The following SPG7 variants were observed in gnomAD, a reference collection of about 807,000 sequenced individuals.
The protein encoded by SPG7 is SPG7 matrix AAA peptidase subunit, paraplegin.
A neutral mutation model predicts 81.9 loss-of-function variants in SPG7; 103 were observed. The ratio of observed to expected loss-of-function variants is 1.26; its 90% CI spans 1.07 to 1.48. SPG7 has a LOEUF of 1.48. Among genes scored for constraint, SPG7 ranks in the 40% most tolerant of loss-of-function variants. The pLI is 0.00. For synonymous variants in SPG7, 534 were observed against 444.2 expected (o/e 1.20, Z -2.54); for missense variants, 1,241 against 1,087.3 (o/e 1.14, Z -1.99).
chr16:89,541,742 A>C (rs1225313081), intron 9 of SPG7: 1 of 152,242 alleles, frequency 6.6e-6, no homozygotes, highest in African/African-American at 2.4e-5. Flanking sequence ...TACCATCAGA[A>C]TACAAAACTT....
intron 12 of SPG7, chr16:89,548,496 G>A (rs565088583): frequency 2.4e-4 from 72 of 302,356 alleles, no homozygotes; most frequent in African/African-American, 1.3e-3. Flanking sequence ...ACTGTGGGCC[G>A]GAGGGCTGCT....
chr16:89,537,807 G>C, intron 9 of SPG7: 1 of 984,192 alleles, frequency 1.0e-6, no homozygotes, highest in South Asian at 4.7e-5. Flanking sequence ...CTGGGGTCCT[G>C]GTCCTGGTCC....
chr16:89,556,641 A>G (rs903760285), intron 16 of SPG7: 2 of 528,618 alleles, frequency 3.8e-6, no homozygotes, highest in Non-Finnish European at 6.8e-6. Context: ...TGCCAAAAAT[A>G]AGCCAAGATT....
chr16:89,512,743 A>G (rs1204961253), intron 2 of SPG7, among the ~76,000 whole-genome samples: 1 of 152,258 alleles, frequency 6.6e-6, no homozygotes, highest in Non-Finnish European at 1.5e-5. Context: ...GTAAGTTAAA[A>G]TAGTTTATTA....
At chr16:89,538,233 T>C (rs2058452230) in intron 9 of SPG7, 1 of 152,060 alleles carries the variant, frequency 6.6e-6, no homozygotes, top group African/African-American at 2.4e-5. Context: ...GCTGTCCTGG[T>C]GCGTTGAGAC....
chr16:89,510,029 C>T (rs1406731395), intron 1 of SPG7, among the ~76,000 whole-genome samples: 2 of 151,838 alleles, frequency 1.3e-5, no homozygotes, highest in African/African-American at 4.8e-5. Flanking sequence ...GCCTGGAGTG[C>T]AGTGGTGCTA....
Position 89,513,037 on chromosome 16 carries a change from G to C in SPG7, c.376G>C (p.Glu126Gln), listed in dbSNP as rs912983346. The change falls in exon 3 of 17, where the codon GAG becomes CAG. Residue 126 changes from glutamate to glutamine, a missense_variant and splice_region_variant. Physicochemically the swap from Glu to Gln is conservative, Grantham distance 29 (BLOSUM62 2). Coordinates refer to ENST00000645818, the MANE Select transcript of SPG7 (RefSeq NM_003119.4). ...SKGKAPEEDE[E>Q]ERRRRERDDQ... is the part of the protein sequence containing the mutation. Reference sequence around the variant, plus strand: ...GGGGAAGGCGCCTGAAGAGGACGAAGGTATATTCATCTGATGTTCTTCAGT... The same window carrying C: ...GGGGAAGGCGCCTGAAGAGGACGAACGTATATTCATCTGATGTTCTTCAGT... 1.9e-6 allele frequency: 3 copies of C among 1,604,446 alleles called. No individual in the cohort carries two copies. The highest frequency in any genetic ancestry group is 1.7e-6 in the Non-Finnish European group (2 of 1,174,572).
intron 13 of SPG7, chr16:89,552,384 G>T (rs1323191748): frequency 1.3e-5 from 2 of 159,354 alleles, no homozygotes; most frequent in Non-Finnish European, 2.8e-5. Context: ...TAAATTAAGC[G>T]TCCTCGGGAT....
intron 10 of SPG7, 88 bp from the exon 11 acceptor site, chr16:89,546,570 G>A (rs555410379): frequency 1.6e-5 from 15 of 922,020 alleles, no homozygotes; most frequent in African/African-American, 3.7e-5. Context: ...GCTACTTGGG[G>A]ACCCCCCCCC....
At position 89,524,071 on chromosome 16, in the gene SPG7, A is replaced by G. The variant is rs375696230; in HGVS notation, c.442A>G (p.Ile148Val). The G allele has an allele frequency of 1.4e-5, 23 of 1,613,916 alleles. No individual in the cohort carries two copies. In the African/African-American group the frequency reaches 2.3e-4, roughly 16 times the overall value. ...YRERLRTLLV[I>V]AVVMSLLNAL... ...AGAGCGGCTGCGCACCTTGCTGGTC[A>G]TCGCGGTTGTCATGAGCCTCCTGAA... Residue 148 changes from isoleucine (I) to valine (V), a missense_variant, in exon 4 of 17, where the codon ATC (isoleucine) becomes GTC (valine). Ile to Val is a conservative substitution (Grantham distance 29, BLOSUM62 3). Transcript: ENST00000645818.
Position 89,553,305 on chromosome 16 carries a change from A to G in SPG7, c.1936+170A>G, listed in dbSNP as rs190622868. On this transcript the variant is annotated intron_variant, in intron 14 of 16. Transcript: ENST00000645818. ...CATAAGAGAGTTGGAGCTAAGCAAG[A>G]CTTCTTAGATAATTTAATTGGACAA... is the stretch of plus-strand genomic sequence containing the variant. 2.6e-4 allele frequency: 194 copies of G among 738,934 alleles called. 1 individual carries two copies. The African/African-American group carries it at 3.1e-3, about 12-fold the overall frequency. The allele number at this position is 738,934 out of a possible 1,614,324, so 45.8% of individuals were successfully genotyped here. A position where few individuals can be genotyped will look rare whatever the true frequency, so the allele number is the denominator to read the frequency against.
chr16:89,556,809 C>T, intron 16 of SPG7, 78 bp from the exon 17 acceptor site: 1 of 1,198,062 alleles, frequency 8.3e-7, no homozygotes, highest in African/African-American at 1.5e-5. Context: ...GCCCTCACGC[C>T]TCTTGCCACC....
At chr16:89,542,641 G>A (rs927971926) in intron 9 of SPG7, among the ~76,000 whole-genome samples, 8 of 152,174 alleles carry the variant, frequency 5.3e-5, no homozygotes, top group Non-Finnish European at 1.0e-4. Context: ...CTGCTGTCCA[G>A]ACCTGGCGGC....
Position 89,524,061 on chromosome 16 carries a change from C to T in SPG7, c.432C>T (p.Thr144=). The T allele has an allele frequency of 6.2e-7, 1 of 1,613,822 alleles. No individual in the cohort carries two copies. Among genetic ancestry groups the T allele is most frequent in the South Asian group, 1.1e-5 (1 of 91,070 alleles). ...AGATGTACCGAGAGCGGCTGCGCACCTTGCTGGTCATCGCGGTTGTCATGA... is the reference window on the plus strand; with the variant it reads ...AGATGTACCGAGAGCGGCTGCGCACTTTGCTGGTCATCGCGGTTGTCATGA... ...DDQMYRERLR[T]LLVIAVVMSL... is the part of the protein sequence containing the mutation. The change falls in exon 4 of 17, where the codon ACC becomes ACT. Residue 144 remains threonine, a synonymous_variant. Coordinates refer to ENST00000645818, the MANE Select transcript of SPG7 (RefSeq NM_003119.4).
intron 5 of SPG7, chr16:89,526,889 C>G (rs1292368887): frequency 1.2e-5 from 3 of 246,168 alleles, no homozygotes; most frequent in African/African-American, 7.7e-5. Flanking sequence ...TCTCAGCCCC[C>G]GACGTAGGAT....
At chr16:89,546,938 C>G in intron 11 of SPG7, 178 bp downstream of exon 11, 1 of 626,662 alleles carries the variant, frequency 1.6e-6, no homozygotes, top group Non-Finnish European at 2.9e-6. Flanking sequence ...GAGGTCCAGA[C>G]GGCACCCGCA....
chr16:89,529,615 C>G (rs371251612), intron 6 of SPG7, 36 bp downstream of exon 6: 207 of 1,464,772 alleles, frequency 1.4e-4, no homozygotes, highest in Non-Finnish European at 1.9e-4. Flanking sequence ...TGAACTCTTT[C>G]TGGTTTGTGT....
chr16:89,511,366 G>A (rs529929476), intron 2 of SPG7, among the ~76,000 whole-genome samples: 2 of 152,112 alleles, frequency 1.3e-5, no homozygotes, highest in Non-Finnish European at 2.9e-5. Flanking sequence ...TTGGCTTTAG[G>A]TTAAAGAACC....
chr16:89,541,006 G>A (rs2056309), intron 9 of SPG7: 66,956 of 448,870 alleles, frequency 0.15, 15,468 homozygotes, highest in East Asian at 0.58. Flanking sequence ...TCTACACAGC[G>A]ACTAGAAGAG....
Sources: gnomAD v4.1 joint callset for allele counts (sites outside exome capture counted in the v4.1 genomes callset) on GRCh38, gnomAD v4.1.1 for gene constraint, MANE v1.5 for transcripts, NCBI Gene and HGNC (gene_info 2026-07-23, HGNC 2026-07-21) for gene names.